The following METTL15 variants were observed in gnomAD, a reference collection of about 807,000 sequenced individuals.
METTL15 encodes 12S rRNA N(4)-cytidine methyltransferase METTL15.
Under a neutral mutation model 38.3 loss-of-function variants are expected in METTL15, and 34 were observed. That is an observed-to-expected ratio of 0.89 (90% confidence interval 0.68 to 1.18). The LOEUF (loss-of-function observed/expected upper bound fraction) is 1.18. METTL15 is among the 50% of genes most tolerant of loss of function. The probability of loss-of-function intolerance (pLI) is 0.00; values close to 1 mark genes in which losing one functional copy is unlikely to be tolerated. For missense variants in METTL15, 438 were observed against 498.4 expected (o/e 0.88, Z 1.15); for synonymous variants, 162 against 170.9 (o/e 0.95, Z 0.41).
At chr11:28,163,956 T>C (rs966791148) in intron 3 of METTL15, 3 of 152,142 alleles carry the variant, frequency 2.0e-5, no homozygotes, top group African/African-American at 7.2e-5. Flanking sequence ...AGCCAAAATT[T>C]TTTCTTACTT....
At chr11:28,294,925 T>C (rs1856675851) in intron 5 of METTL15, among the ~76,000 whole-genome samples, 2 of 152,154 alleles carry the variant, frequency 1.3e-5, no homozygotes, top group Admixed American at 1.3e-4. Flanking sequence ...AAAGTATAAT[T>C]AAAAACTGCT....
intron 6 of METTL15, among the ~76,000 whole-genome samples, chr11:28,434,109 T>C (rs754611374): frequency 1.3e-5 from 2 of 152,144 alleles, no homozygotes; most frequent in African/African-American, 2.4e-5. Context: ...GTGGAGATAA[T>C]TGAATCATGG....
intron 6 of METTL15, among the ~76,000 whole-genome samples, chr11:28,309,234 A>G (rs1286968270): frequency 1.3e-5 from 2 of 152,186 alleles, no homozygotes; most frequent in Non-Finnish European, 2.9e-5. Flanking sequence ...GTTGCTGCCA[A>G]CTACCTGGCT....
chr11:28,504,744 T>G (rs922110835), intron 6 of METTL15, among the ~76,000 whole-genome samples: 6 of 152,236 alleles, frequency 3.9e-5, no homozygotes, highest in Non-Finnish European at 7.3e-5. Context: ...GTCATCGTGA[T>G]GCACATATGT....
intron 3 of METTL15, among the ~76,000 whole-genome samples, chr11:28,131,039 T>C (rs144046119): frequency 6.6e-4 from 101 of 152,298 alleles, no homozygotes; most frequent in African/African-American, 2.3e-3. Flanking sequence ...ACCATTCCTG[T>C]AGCTCACCCA....
intron 3 of METTL15, among the ~76,000 whole-genome samples, chr11:28,186,554 A>G (rs1426103372): frequency 6.6e-6 from 1 of 151,222 alleles, no homozygotes; most frequent in African/African-American, 2.4e-5. Context: ...ACTTAATTAT[A>G]GATAACTATA....
chr11:28,451,711 T>G (rs955903416), intron 6 of METTL15, among the ~76,000 whole-genome samples: 1 of 152,240 alleles, frequency 6.6e-6, no homozygotes, highest in Non-Finnish European at 1.5e-5. Context: ...CCTTCGTTGG[T>G]GTTTCTGATG....
intron 6 of METTL15, among the ~76,000 whole-genome samples, chr11:28,447,735 T>C (rs1188982828): frequency 6.6e-6 from 1 of 152,148 alleles, no homozygotes; most frequent in Non-Finnish European, 1.5e-5. Flanking sequence ...TTATGTACTG[T>C]CTTGCTGAAA....
chr11:28,373,038 G>A lies in METTL15; in HGVS notation c.*358+11002G>A, dbSNP rs965150702. Among the ~76,000 whole-genome samples the A allele has an allele frequency of 1.2e-4, 18 of 152,036 alleles. No individual in the cohort carries two copies. In the East Asian group the frequency reaches 2.3e-3, roughly 20 times the overall value. ...CTATCATTATTGGACATTGGGGTTG[G>A]TTCCAAGTCTTTGCTATTGTGAAAA... is the stretch of plus-strand genomic sequence containing the variant. On this transcript the variant is annotated intron_variant and NMD_transcript_variant, in intron 5 of 7. Transcript: ENST00000532947.
intron 6 of METTL15, among the ~76,000 whole-genome samples, chr11:28,320,277 A>G (rs1849421090): frequency 6.6e-6 from 1 of 151,410 alleles, no homozygotes; most frequent in Non-Finnish European, 1.5e-5. Context: ...CTTAAAAAGT[A>G]AGGCATGGTG....
At chr11:28,133,448 T>C (rs1468696356) in intron 3 of METTL15, among the ~76,000 whole-genome samples, 1 of 152,316 alleles carries the variant, frequency 6.6e-6, no homozygotes, top group East Asian at 1.9e-4. Context: ...TGGTAGCCAG[T>C]CTACAAGATG....
At chr11:28,378,134 G>A (rs969365180) in intron 5 of METTL15, among the ~76,000 whole-genome samples, 4 of 152,166 alleles carry the variant, frequency 2.6e-5, no homozygotes, top group Non-Finnish European at 5.9e-5. Context: ...GCCCCCAGAG[G>A]TGGAGCCTAC....
chr11:28,457,831 T>G (rs548864401), intron 6 of METTL15, among the ~76,000 whole-genome samples: 15 of 152,198 alleles, frequency 9.9e-5, no homozygotes, highest in Non-Finnish European at 1.8e-4. Context: ...TAACATAATC[T>G]GATGACAATG....
intron 3 of METTL15, among the ~76,000 whole-genome samples, chr11:28,202,385 A>G (rs1457346469): frequency 2.0e-5 from 3 of 152,106 alleles, no homozygotes; most frequent in Non-Finnish European, 4.4e-5. Flanking sequence ...ACTGACTGGA[A>G]TAAATGTCTG....
intron 6 of METTL15, among the ~76,000 whole-genome samples, chr11:28,462,243 G>A (rs1261916284): frequency 6.6e-6 from 1 of 152,086 alleles, no homozygotes; most frequent in East Asian, 1.9e-4. Context: ...AAGAAAGGGT[G>A]TTATGGGAAT....
chr11:28,123,245 C>G (rs1171689602), intron 3 of METTL15, among the ~76,000 whole-genome samples: 5 of 152,138 alleles, frequency 3.3e-5, no homozygotes, highest in Non-Finnish European at 7.4e-5. Flanking sequence ...GATCAATAGT[C>G]TAATCATAGT....
At chr11:28,368,633 C>T (rs1413573010) in intron 5 of METTL15, among the ~76,000 whole-genome samples, 1 of 152,078 alleles carries the variant, frequency 6.6e-6, no homozygotes, top group African/African-American at 2.4e-5. Flanking sequence ...GCCATTTGAC[C>T]CAGCAATCCC....
At chr11:28,211,232 G>T in intron 4 of METTL15, 34 bp downstream of exon 4, 2 of 1,578,210 alleles carry the variant, frequency 1.3e-6, no homozygotes, top group South Asian at 1.2e-5. Context: ...ATTTGATTTT[G>T]GTTCTTAGTT....
chr11:28,373,810 A>C (rs1285007615), intron 5 of METTL15, among the ~76,000 whole-genome samples: 2 of 152,054 alleles, frequency 1.3e-5, no homozygotes, highest in Admixed American at 1.3e-4. Flanking sequence ...TCTAACATTT[A>C]AGTCTTTAAT....
Sources: allele counts gnomAD v4.1 joint callset (sites outside exome capture counted in the v4.1 genomes callset), GRCh38; gene constraint gnomAD v4.1.1; transcripts MANE v1.5; gene names NCBI Gene and HGNC (gene_info 2026-07-23, HGNC 2026-07-21).